The following LRRN2 variants were observed in gnomAD, a reference collection of about 807,000 sequenced individuals.
LRRN2 encodes leucine-rich repeat neuronal protein 2.
Under a neutral mutation model 35.7 loss-of-function variants are expected in LRRN2, and 10 were observed. The observed-to-expected ratio is 0.28, with a 90% CI of 0.17 to 0.47. The LOEUF is 0.47. Among genes scored for constraint, LRRN2 ranks in the 20% least tolerant of loss-of-function variants. LRRN2 has a pLI of 0.99. For synonymous variants in LRRN2, 391 were observed against 409.6 expected (o/e 0.95, Z 0.55); for missense variants, 731 against 940.3 (o/e 0.78, Z 2.91).
chr1:204,629,205 A>G (rs112831574), intron 1 of LRRN2: 3,783 of 152,396 alleles, frequency 0.025, 167 homozygotes, highest in African/African-American at 0.085. Context: ...CCATGCCTTC[A>G]CACATGCAGG....
At position 204,619,850 on chromosome 1, in the gene LRRN2, C is replaced by T. The variant is rs746280603; in HGVS notation, c.143G>A (p.Arg48His). ...ATTGCAGTCCACAGTGGTAGCCTCG[C>T]GGTAGGACGAGCGGGGCGTATACCA... Reference protein sequence around the residue: ...RPWYTPRSSYREATTVDCNDL... With the variant: ...RPWYTPRSSYHEATTVDCNDL... Residue 48 changes from arginine to histidine, a missense_variant, in exon 2 of 2, where the codon CGC becomes CAC. Arg to His is a conservative substitution (Grantham distance 29). Around this residue, in one of 3 missense-constraint regions of LRRN2, gnomAD observed 246 missense variants for 289.5 expected, o/e 0.85. Transcript: ENST00000367177. 11 of 1,613,446 alleles carry T rather than the reference C, an allele frequency of 6.8e-6. No individual in the cohort carries two copies. Among genetic ancestry groups the T allele is most frequent in the African/African-American group, 2.7e-5 (2 of 74,920 alleles).
At position 204,620,015 on chromosome 1, in the gene LRRN2, C is replaced by T; in HGVS notation, c.-23G>A. On this transcript the variant is annotated 5_prime_UTR_variant, in exon 2 of 2. Coordinates refer to ENST00000367177, the MANE Select transcript of LRRN2 (RefSeq NM_201630.2). ...CATGGTGGAGCTGCAGGGCAGGGGA[C>T]CATTCACAAGAAGAGTCTGGAGTCC... The T allele has an allele frequency of 6.3e-7, 1 of 1,591,242 alleles. No individual in the cohort carries two copies. The highest frequency in any genetic ancestry group is 1.1e-5 in the South Asian group (1 of 87,628).
At position 204,657,341 on chromosome 1, in the gene LRRN2, TACAC is replaced by T. The variant is rs34779515; in HGVS notation, c.-227+27975_-227+27978del. ...CTATGTGTCTATATATATGTATATATACACACACACACACACACACACACACGCA... is the reference window on the plus strand; with the variant it reads ...CTATGTGTCTATATATATGTATATATACACACACACACACACACACACGCA... On this transcript the variant is annotated intron_variant, in intron 1 of 1. Transcript: ENST00000367177. Among the ~76,000 whole-genome samples the T allele has an allele frequency of 2.5e-3, 361 of 147,058 alleles. 2 individuals carry two copies. Among genetic ancestry groups the T allele is most frequent in the African/African-American group, 8.9e-3 (352 of 39,576 alleles).
At chr1:204,674,934 C>T (rs931593424) in intron 1 of LRRN2, among the ~76,000 whole-genome samples, 1 of 152,162 alleles carries the variant, frequency 6.6e-6, no homozygotes, top group African/African-American at 2.4e-5. Context: ...TATATGCACA[C>T]GTTTGTTGAA....
intron 1 of LRRN2, among the ~76,000 whole-genome samples, chr1:204,652,743 C>G (rs758972318): frequency 6.6e-6 from 1 of 152,200 alleles, no homozygotes. Context: ...AAATACCCAT[C>G]CCACTCCTCA....
chr1:204,654,693 T>C (rs1048255770), intron 1 of LRRN2, among the ~76,000 whole-genome samples: 2 of 152,232 alleles, frequency 1.3e-5, no homozygotes, highest in Non-Finnish European at 2.9e-5. Flanking sequence ...TTTGTGCTCA[T>C]GCAGAAGTGG....
At chr1:204,662,236 G>C (rs1344566182) in intron 1 of LRRN2, among the ~76,000 whole-genome samples, 1 of 152,170 alleles carries the variant, frequency 6.6e-6, no homozygotes, top group East Asian at 1.9e-4. Flanking sequence ...TTGAAAATGT[G>C]GGCAAATGAT....
rs114833144 is a variant in LRRN2 at position 204,672,869 on chromosome 1, G to A, written c.-227+12451C>T. The stretch of plus-strand genomic sequence containing the variant: ...CACCCACTAGTTCCATCAATCATCC[G>A]CTTCATCCAGCTCTAAAAACAGACT... On this transcript the variant is annotated intron_variant, in intron 1 of 1. Transcript: ENST00000367177. Among the ~76,000 whole-genome samples the A allele has an allele frequency of 2.1e-3, 317 of 152,278 alleles. 2 individuals carry two copies. The highest frequency in any genetic ancestry group is 6.9e-3 in the African/African-American group (286 of 41,550).
chr1:204,624,744 G>A (rs1667190502), intron 1 of LRRN2, among the ~76,000 whole-genome samples: 1 of 123,560 alleles, frequency 8.1e-6, no homozygotes. Context: ...CTCCCTGGCG[G>A]TTCCCCCCCC....
rs746954547 is a variant in LRRN2, at chr1:204,619,380, G to C, written c.613C>G (p.Leu205Val). The C allele has an allele frequency of 6.2e-7, 1 of 1,614,242 alleles. No homozygotes were observed. The highest frequency in any genetic ancestry group is 1.7e-5 in the Admixed American group (1 of 60,032). Residue 205 changes from leucine to valine, a missense_variant, in exon 2 of 2, where the codon CTG (leucine) becomes GTG (valine). Transcript: ENST00000367177. Reference sequence around the variant, plus strand: ...GCCAGGGGCCGGAAGTTCATGTCCAGGATGGCATCTACCTTGTTGCCGCCA... The same window carrying C: ...GCCAGGGGCCGGAAGTTCATGTCCACGATGGCATCTACCTTGTTGCCGCCA... ...MIGGNKVDAI[L>V]DMNFRPLANL...
At chr1:204,647,571 G>C (rs751464269) in intron 1 of LRRN2, among the ~76,000 whole-genome samples, 2 of 152,184 alleles carry the variant, frequency 1.3e-5, no homozygotes, top group Non-Finnish European at 2.9e-5. Context: ...GGATGGGCAG[G>C]TAAGAAGGTA....
chr1:204,679,978 G>A (rs1668911193), intron 1 of LRRN2, among the ~76,000 whole-genome samples: 1 of 152,216 alleles, frequency 6.6e-6, no homozygotes, highest in African/African-American at 2.4e-5. Context: ...CTTCCTGGAG[G>A]GAGGGAAGGA....
At chr1:204,636,343 A>G (rs553572876) in intron 1 of LRRN2, among the ~76,000 whole-genome samples, 2 of 152,258 alleles carry the variant, frequency 1.3e-5, no homozygotes, top group Admixed American at 6.5e-5. Context: ...CACTAAAAGA[A>G]GGATGATCAT....
chr1:204,619,186 G>A lies in LRRN2; in HGVS notation c.807C>T (p.Asn269=). The change falls in exon 2 of 2, where the codon AAC becomes AAT. Residue 269 remains asparagine, a synonymous_variant. Transcript: ENST00000367177. The part of the protein sequence containing the change: ...QVPGLKFLDL[N]KNPLQRVGPG... ...GCCCTACCCGCTGGAGCGGGTTCTT[G>A]TTGAGGTCTAGGAACTTGAGCCCGG... 6.2e-7 allele frequency: 1 copy of A among 1,614,074 alleles called. No homozygotes were observed. The highest frequency in any genetic ancestry group is 8.5e-7 in the Non-Finnish European group (1 of 1,180,024).
chr1:204,636,194 C>T (rs1271675929), intron 1 of LRRN2, among the ~76,000 whole-genome samples: 2 of 152,162 alleles, frequency 1.3e-5, no homozygotes, highest in Non-Finnish European at 2.9e-5. Flanking sequence ...TCAGAACATG[C>T]GTATGGCCTC....
In LRRN2 at chr1:204,617,626, T is replaced by G; in HGVS notation, c.*225A>C. 1 of 564,322 alleles carries G rather than the reference T, an allele frequency of 1.8e-6. No individual in the cohort carries two copies. The allele number at this position is 564,322 out of a possible 1,614,324, so 35.0% of individuals were successfully genotyped here. A position where few individuals can be genotyped will look rare whatever the true frequency, so the allele number is the denominator to read the frequency against. On this transcript the variant is annotated 3_prime_UTR_variant, in exon 2 of 2. Transcript: ENST00000367177. ...AAGTCCCTCCTGTTCCTTGGAGATG[T>G]TCCTCAGAATGGCAGCAGAGGTGAC...
In LRRN2 at chr1:204,619,630, G is replaced by A; in HGVS notation, c.363C>T (p.Ser121=). The A allele has an allele frequency of 6.2e-7, 1 of 1,614,222 alleles. No homozygotes were observed. Among genetic ancestry groups the A allele is most frequent in the Non-Finnish European group, 8.5e-7 (1 of 1,180,046 alleles). ...TCAGCTGGTTCTCCTCTAGGTGCAG[G>A]CTCAGCAGCTGGGGCAGGGCATGGA... ...CDFHALPQLL[S]LHLEENQLTR... is the part of the protein sequence containing the mutation. The change falls in exon 2 of 2, where the codon AGC becomes AGT. Residue 121 remains serine, a synonymous_variant. Coordinates refer to ENST00000367177, the MANE Select transcript of LRRN2 (RefSeq NM_201630.2).
chr1:204,617,815 C>G lies in LRRN2; in HGVS notation c.*36G>C. The G allele has an allele frequency of 1.2e-6, 2 of 1,608,768 alleles. No homozygotes were observed. Among genetic ancestry groups the G allele is most frequent in the South Asian group, 1.1e-5 (1 of 90,814 alleles). On this transcript the variant is annotated 3_prime_UTR_variant, in exon 2 of 2. Coordinates refer to ENST00000367177, the MANE Select transcript of LRRN2 (RefSeq NM_201630.2). ...GCTTCTCTTTTGGTAAAAAGTAGTC[C>G]TAGTGATTTCTCTACTGCTGAGAAC...
Position 204,618,403 on chromosome 1 carries a change from C to T in LRRN2, c.1590G>A (p.Glu530=), listed in dbSNP as rs1666549664. ...QPGRDEGQGL[E]LRVQETHPYH... Reference sequence around the variant, plus strand: ...AGGGGTGGGTCTCCTGCACCCGGAGCTCCAGCCCCTGTCCTTCGTCCCTGC... The same window carrying T: ...AGGGGTGGGTCTCCTGCACCCGGAGTTCCAGCCCCTGTCCTTCGTCCCTGC... Residue 530 remains glutamate (E), a synonymous_variant, in exon 2 of 2, where the codon GAG becomes GAA. Coordinates refer to ENST00000367177, the MANE Select transcript of LRRN2 (RefSeq NM_201630.2). The T allele has an allele frequency of 6.2e-7, 1 of 1,613,298 alleles. No individual in the cohort carries two copies. The highest frequency in any genetic ancestry group is 1.3e-5 in the African/African-American group (1 of 75,044).
Sources: allele counts gnomAD v4.1 joint callset (sites outside exome capture counted in the v4.1 genomes callset), GRCh38; gene constraint gnomAD v4.1.1; regional missense constraint gnomAD v4.1.1; transcripts MANE v1.5; gene names NCBI Gene and HGNC (gene_info 2026-07-23, HGNC 2026-07-21).